RASSF9: variants seen among roughly 807,000 people sequenced by gnomAD.
RASSF9 encodes Ras association domain family member 9.
Under a neutral mutation model 21.4 loss-of-function variants are expected in RASSF9, and 18 were observed. The ratio of observed to expected loss-of-function variants is 0.84; its 90% CI spans 0.58 to 1.25. The LOEUF (loss-of-function observed/expected upper bound fraction) is 1.25, where lower values mean the gene tolerates loss of function less well. Among genes scored for constraint, RASSF9 ranks in the 50% most tolerant of loss-of-function variants. The pLI, the probability that RASSF9 is intolerant of heterozygous loss-of-function variation, is 0.00. For missense variants in RASSF9, 480 were observed against 503.2 expected (o/e 0.95, Z 0.44); for synonymous variants, 183 against 179.1 (o/e 1.02, Z -0.18).
rs1879687686 is a variant in RASSF9 at position 85,801,049 on chromosome 12, T to C, written c.*3653A>G. 6.6e-6 allele frequency: 1 copy of C among 151,970 alleles called. No homozygotes were observed. Among genetic ancestry groups the C allele is most frequent in the South Asian group, 2.1e-4 (1 of 4,828 alleles). 9.4% of individuals were successfully genotyped at this position (151,970 alleles called of 1,614,324 possible). Reference sequence around the variant, plus strand: ...TTGTTATTTTACTTAAGAAGAAAAATGAAATAGATATTTTGTTTAGGATAT... The same window carrying C: ...TTGTTATTTTACTTAAGAAGAAAAACGAAATAGATATTTTGTTTAGGATAT... On this transcript the variant is annotated 3_prime_UTR_variant, in exon 2 of 2. Coordinates refer to ENST00000361228, the MANE Select transcript of RASSF9 (RefSeq NM_005447.4).
At chr12:85,831,101 A>T (rs1373360738) in intron 1 of RASSF9, among the ~76,000 whole-genome samples, 3 of 152,024 alleles carry the variant, frequency 2.0e-5, no homozygotes, top group Admixed American at 2.0e-4. Context: ...CTTGTCAAGG[A>T]CTGGTATTCA....
chr12:85,804,961 A>G lies in RASSF9; in HGVS notation c.1049T>C (p.Leu350Pro). The G allele has an allele frequency of 6.2e-7, 1 of 1,613,908 alleles. No individual in the cohort carries two copies. The change falls in exon 2 of 2, where the codon CTT (leucine) becomes CCT (proline). Residue 350 changes from leucine to proline, a missense_variant. Leu to Pro is a moderately conservative substitution (Grantham distance 98). Coordinates refer to ENST00000361228, the MANE Select transcript of RASSF9 (RefSeq NM_005447.4). ...TTCATATTCTTTTGCTTTCATCTGAAGCAATGAGTCACTGTATTTAATCTC... is the reference window on the plus strand; with the variant it reads ...TTCATATTCTTTTGCTTTCATCTGAGGCAATGAGTCACTGTATTTAATCTC... ...QKEIKYSDSL[L>P]QMKAKEYELL...
chr12:85,835,932 G>A (rs1344979967), intron 1 of RASSF9, among the ~76,000 whole-genome samples: 1 of 152,100 alleles, frequency 6.6e-6, no homozygotes, highest in Non-Finnish European at 1.5e-5. Context: ...TGCGATCCTT[G>A]AGCTGGTCAC....
In RASSF9 at chr12:85,836,243, T is replaced by C; in HGVS notation, c.-42A>G. 1 of 1,158,556 alleles carries C rather than the reference T, an allele frequency of 8.6e-7. No homozygotes were observed. Among genetic ancestry groups the C allele is most frequent in the Non-Finnish European group, 1.2e-6 (1 of 869,312 alleles). 71.8% of individuals were successfully genotyped at this position (1,158,556 alleles called of 1,614,324 possible). On this transcript the variant is annotated 5_prime_UTR_variant, in exon 1 of 2. Transcript: ENST00000361228. ...GAATAAAGAAATTATCTTAAAGTGA[T>C]CTGAGGGTGGGGGTGGGGGTGTCTG...
chr12:85,811,929 T>G (rs1879963106), intron 1 of RASSF9, among the ~76,000 whole-genome samples: 1 of 151,746 alleles, frequency 6.6e-6, no homozygotes, highest in African/African-American at 2.4e-5. Flanking sequence ...CAATAAAACT[T>G]AAGAAGTTGT....
At chr12:85,808,872 A>G (rs988024683) in intron 1 of RASSF9, among the ~76,000 whole-genome samples, 3 of 152,102 alleles carry the variant, frequency 2.0e-5, no homozygotes, top group Non-Finnish European at 4.4e-5. Context: ...GCTAATAGTT[A>G]TTATGTTAAA....
At chr12:85,812,216 T>C (rs1348286960) in intron 1 of RASSF9, among the ~76,000 whole-genome samples, 4 of 151,766 alleles carry the variant, frequency 2.6e-5, no homozygotes, top group Non-Finnish European at 5.9e-5. Flanking sequence ...TATACATTTA[T>C]GAAATTTCTT....
At chr12:85,826,450 T>A (rs1228948510) in intron 1 of RASSF9, among the ~76,000 whole-genome samples, 6 of 147,306 alleles carry the variant, frequency 4.1e-5, no homozygotes, top group Non-Finnish European at 9.1e-5. Flanking sequence ...TTCCAATATT[T>A]TTTTTTTTTT....
chr12:85,811,584 G>A (rs999745090), intron 1 of RASSF9, among the ~76,000 whole-genome samples: 12 of 151,886 alleles, frequency 7.9e-5, no homozygotes, highest in Non-Finnish European at 1.6e-4. Flanking sequence ...ATTTATGCCA[G>A]TTTCGGTCTT....
Position 85,826,447 on chromosome 12 carries a change from A to ATTT in RASSF9, c.47+9705_47+9707dup, listed in dbSNP as rs560187497. On this transcript the variant is annotated intron_variant, in intron 1 of 1. Transcript: ENST00000361228. ...GTATTCTTTCTCCATTCCTTCCAAT[A>ATTT]TTTTTTTTTTTTTTTTTTGAGGCAG... is the stretch of plus-strand genomic sequence containing the variant. Among the ~76,000 whole-genome samples, 420 of 130,644 alleles carry ATTT rather than the reference A, an allele frequency of 3.2e-3. 3 individuals carry two copies. The highest frequency in any genetic ancestry group is 9.1e-3 in the African/African-American group (313 of 34,216). The allele number at this position is 130,644 out of a possible 152,430, so 85.7% of individuals were successfully genotyped here. A position where few individuals can be genotyped will look rare whatever the true frequency, so the allele number is the denominator to read the frequency against.
chr12:85,809,264 A>G (rs1879899755), intron 1 of RASSF9, among the ~76,000 whole-genome samples: 3 of 152,120 alleles, frequency 2.0e-5, no homozygotes, highest in African/African-American at 2.4e-5. Flanking sequence ...ATGTGGATTA[A>G]TTTGGAAATA....
intron 1 of RASSF9, among the ~76,000 whole-genome samples, chr12:85,825,109 T>C (rs528244487): frequency 7.9e-5 from 12 of 152,154 alleles, no homozygotes; most frequent in Admixed American, 2.0e-4. Flanking sequence ...TTCAAGTGAG[T>C]CTCCTGCCTC....
chr12:85,826,811 T>C (rs1202504961), intron 1 of RASSF9, among the ~76,000 whole-genome samples: 1 of 152,170 alleles, frequency 6.6e-6, no homozygotes, highest in East Asian at 1.9e-4. Flanking sequence ...GATTATATCA[T>C]TTTCTTGCTC....
chr12:85,833,729 T>A (rs1028490569), intron 1 of RASSF9, among the ~76,000 whole-genome samples: 2 of 151,994 alleles, frequency 1.3e-5, no homozygotes, highest in Admixed American at 1.3e-4. Flanking sequence ...CTCAAGTAGT[T>A]TTTTGTTATT....
Position 85,804,619 on chromosome 12 carries a change from G to T in RASSF9, c.*83C>A. On this transcript the variant is annotated 3_prime_UTR_variant, in exon 2 of 2. Transcript: ENST00000361228. Reference sequence around the variant, plus strand: ...ACTACAATATGATTTACATTTTTTTGAGTGTTATATTTAAAATGAGGTTTC... The same window carrying T: ...ACTACAATATGATTTACATTTTTTTTAGTGTTATATTTAAAATGAGGTTTC... The T allele has an allele frequency of 2.3e-6, 3 of 1,293,966 alleles. No homozygotes were observed. The highest frequency in any genetic ancestry group is 3.1e-6 in the Non-Finnish European group (3 of 956,706). 80.2% of individuals were successfully genotyped at this position (1,293,966 alleles called of 1,614,324 possible). A position where few individuals can be genotyped will look rare whatever the true frequency, so the allele number is the denominator to read the frequency against.
chr12:85,811,051 T>G (rs1399531575), intron 1 of RASSF9, among the ~76,000 whole-genome samples: 1 of 151,960 alleles, frequency 6.6e-6, no homozygotes, highest in Non-Finnish European at 1.5e-5. Flanking sequence ...TTATATGAAC[T>G]GATTATGTGT....
At chr12:85,827,517 C>A (rs1880359325) in intron 1 of RASSF9, among the ~76,000 whole-genome samples, 1 of 152,160 alleles carries the variant, frequency 6.6e-6, no homozygotes, top group South Asian at 2.1e-4. Context: ...GGTTAACACC[C>A]TTCAATGGAT....
In RASSF9 at chr12:85,824,379, A is replaced by C. The variant is rs180908236; in HGVS notation, c.47+11776T>G. On this transcript the variant is annotated intron_variant, in intron 1 of 1. Coordinates refer to ENST00000361228, the MANE Select transcript of RASSF9 (RefSeq NM_005447.4). Reference sequence around the variant, plus strand: ...ACTGTTTGTTTTATCCTTTCTCTTAAATATCCCAAATATCTGCCCTCATAT... The same window carrying C: ...ACTGTTTGTTTTATCCTTTCTCTTACATATCCCAAATATCTGCCCTCATAT... Among the ~76,000 whole-genome samples the C allele has an allele frequency of 4.7e-3, 713 of 152,084 alleles. 2 individuals are homozygous for C. Among genetic ancestry groups the C allele is most frequent in the Non-Finnish European group, 7.7e-3 (524 of 67,978 alleles).
intron 1 of RASSF9, among the ~76,000 whole-genome samples, chr12:85,828,435 T>G (rs1242546195): frequency 1.3e-5 from 2 of 152,154 alleles, no homozygotes; most frequent in African/African-American, 4.8e-5. Flanking sequence ...TTATTATGCA[T>G]TGTATGCTTG....
Sources: allele counts gnomAD v4.1 joint callset (sites outside exome capture counted in the v4.1 genomes callset), GRCh38; gene constraint gnomAD v4.1.1; transcripts MANE v1.5; gene names NCBI Gene and HGNC (gene_info 2026-07-23, HGNC 2026-07-21).